CNTNAP5: variants seen among roughly 807,000 people sequenced by gnomAD.
CNTNAP5 encodes the protein contactin associated protein family member 5, also known as contactin-associated protein-like 5.
Under a neutral mutation model 150.2 loss-of-function variants are expected in CNTNAP5, and 72 were observed. That is an observed-to-expected ratio of 0.48 (90% CI 0.40 to 0.58). CNTNAP5 has a LOEUF of 0.58. CNTNAP5 is among the 20% of genes least tolerant of loss of function. The probability of loss-of-function intolerance (pLI) is 0.00; values close to 1 mark genes in which losing one functional copy is unlikely to be tolerated. For missense variants in CNTNAP5, 1,636 were observed against 1,626.2 expected (o/e 1.01, Z -0.10); for synonymous variants, 672 against 619.8 (o/e 1.08, Z -1.25).
chr2:124,561,545 T>G (rs1019942930), intron 10 of CNTNAP5, among the ~76,000 whole-genome samples: 4 of 152,184 alleles, frequency 2.6e-5, no homozygotes, highest in African/African-American at 9.6e-5. Context: ...TTTGTTTGTT[T>G]GTTTGGTTGT....
At chr2:124,662,892 G>A (rs1386440859) in intron 13 of CNTNAP5, among the ~76,000 whole-genome samples, 1 of 151,994 alleles carries the variant, frequency 6.6e-6, no homozygotes, top group East Asian at 1.9e-4. Flanking sequence ...GTTTTTTCTG[G>A]TTCCTAAATA....
chr2:124,884,967 T>C (rs1678048755), intron 21 of CNTNAP5, among the ~76,000 whole-genome samples: 2 of 152,202 alleles, frequency 1.3e-5, no homozygotes, highest in South Asian at 4.1e-4. Flanking sequence ...AAAAGACTTT[T>C]GGATGCTAAG....
intron 13 of CNTNAP5, among the ~76,000 whole-genome samples, chr2:124,693,692 C>T (rs1679344731): frequency 1.3e-5 from 2 of 152,088 alleles, no homozygotes; most frequent in South Asian, 2.1e-4. Flanking sequence ...TACTGGGCTC[C>T]ACTGCCCTAC....
At chr2:124,430,434 C>A (rs1432004524) in intron 4 of CNTNAP5, among the ~76,000 whole-genome samples, 2 of 152,170 alleles carry the variant, frequency 1.3e-5, no homozygotes, top group African/African-American at 4.8e-5. Context: ...GTGGGCTCCA[C>A]ACACATTATC....
At chr2:124,744,635 A>G (rs936303812) in intron 13 of CNTNAP5, among the ~76,000 whole-genome samples, 1 of 152,146 alleles carries the variant, frequency 6.6e-6, no homozygotes, top group Non-Finnish European at 1.5e-5. Context: ...TGTTGAATGA[A>G]TTCATAGTTT....
chr2:124,577,671 C>A (rs1696316515), intron 11 of CNTNAP5, among the ~76,000 whole-genome samples: 1 of 152,002 alleles, frequency 6.6e-6, no homozygotes, highest in South Asian at 2.1e-4. Context: ...TGGTCAGAAG[C>A]TAAATTGAAT....
At chr2:124,301,872 T>C (rs567154311) in intron 3 of CNTNAP5, among the ~76,000 whole-genome samples, 1 of 152,364 alleles carries the variant, frequency 6.6e-6, no homozygotes, top group African/African-American at 2.4e-5. Flanking sequence ...ATGGACTATA[T>C]TTTATTATCC....
intron 3 of CNTNAP5, among the ~76,000 whole-genome samples, chr2:124,290,866 C>T (rs1040534881): frequency 6.7e-6 from 1 of 149,028 alleles, no homozygotes; most frequent in African/African-American, 2.5e-5. Flanking sequence ...CAAGTCTCAT[C>T]TTCCTTCCTT....
At chr2:124,276,902 G>A (rs1387408825) in intron 3 of CNTNAP5, among the ~76,000 whole-genome samples, 3 of 152,080 alleles carry the variant, frequency 2.0e-5, no homozygotes, top group Non-Finnish European at 4.4e-5. Flanking sequence ...AGGATTAAGA[G>A]AGGAGACATG....
intron 13 of CNTNAP5, among the ~76,000 whole-genome samples, chr2:124,732,879 T>C (rs890132254): frequency 2.6e-5 from 4 of 152,136 alleles, no homozygotes; most frequent in African/African-American, 9.7e-5. Flanking sequence ...TTCCATAAAA[T>C]ATGCCATCAC....
intron 11 of CNTNAP5, among the ~76,000 whole-genome samples, chr2:124,581,184 T>A (rs1696402035): frequency 6.6e-6 from 1 of 152,192 alleles, no homozygotes. Context: ...AGAGAGAATA[T>A]CCTGTTTTAT....
At chr2:124,332,568 T>A (rs945017074) in intron 3 of CNTNAP5, among the ~76,000 whole-genome samples, 1 of 151,564 alleles carries the variant, frequency 6.6e-6, no homozygotes, top group Non-Finnish European at 1.5e-5. Context: ...AAGTAATGTT[T>A]TAATATTTCA....
At chr2:124,272,488 C>T (rs1687784297) in intron 3 of CNTNAP5, among the ~76,000 whole-genome samples, 1 of 152,136 alleles carries the variant, frequency 6.6e-6, no homozygotes, top group African/African-American at 2.4e-5. Context: ...TGCTCTCTCC[C>T]CCACCTCTTC....
chr2:124,642,951 G>A (rs982236460), intron 12 of CNTNAP5, among the ~76,000 whole-genome samples: 5 of 152,126 alleles, frequency 3.3e-5, no homozygotes, highest in African/African-American at 1.2e-4. Context: ...GAAGCCATGG[G>A]GCACAGTATT....
intron 1 of CNTNAP5, among the ~76,000 whole-genome samples, chr2:124,068,629 C>T (rs191813623): frequency 6.6e-5 from 10 of 152,064 alleles, no homozygotes; most frequent in Middle Eastern, 3.4e-3. Flanking sequence ...GACATGACTG[C>T]TAAGAGAGTG....
intron 5 of CNTNAP5, among the ~76,000 whole-genome samples, chr2:124,441,303 C>T (rs914018876): frequency 3.3e-5 from 5 of 151,738 alleles, no homozygotes; most frequent in East Asian, 1.9e-4. Context: ...TACTATGCAG[C>T]GTGAGGATTG....
intron 1 of CNTNAP5, among the ~76,000 whole-genome samples, chr2:124,056,696 C>T (rs1681855929): frequency 6.6e-6 from 1 of 152,104 alleles, no homozygotes; most frequent in African/African-American, 2.4e-5. Flanking sequence ...GTGACTACTC[C>T]TGCCATGTGG....
At chr2:124,136,715 A>G (rs1441667096) in intron 1 of CNTNAP5, among the ~76,000 whole-genome samples, 1 of 152,198 alleles carries the variant, frequency 6.6e-6, no homozygotes, top group African/African-American at 2.4e-5. Flanking sequence ...CTGTCTGTAG[A>G]GTTAACAAGA....
intron 19 of CNTNAP5, among the ~76,000 whole-genome samples, chr2:124,825,114 C>A (rs974324355): frequency 6.6e-6 from 1 of 152,084 alleles, no homozygotes; most frequent in African/African-American, 2.4e-5. Context: ...ATTGAGATAA[C>A]TATTTTAACT....
Sources: allele counts gnomAD v4.1 joint callset (sites outside exome capture counted in the v4.1 genomes callset), GRCh38; gene constraint gnomAD v4.1.1; transcripts MANE v1.5; gene names NCBI Gene and HGNC (gene_info 2026-07-23, HGNC 2026-07-21).